The following KLHL29 variants were observed in gnomAD, a reference collection of about 807,000 sequenced individuals.
The protein encoded by KLHL29 is kelch like family member 29.
In KLHL29, 21 loss-of-function variants were observed where a neutral mutation model predicts 80.4. The observed-to-expected ratio is 0.26, with a 90% CI of 0.19 to 0.38. The LOEUF (loss-of-function observed/expected upper bound fraction) is 0.38. Ranked by LOEUF, KLHL29 falls within the 10% of genes least tolerant of loss-of-function variation. The pLI is 1.00. For missense variants in KLHL29, 867 were observed against 1,223.9 expected (o/e 0.71, Z 4.35); for synonymous variants, 511 against 526.8 (o/e 0.97, Z 0.41).
intron 3 of KLHL29, among the ~76,000 whole-genome samples, chr2:23,602,291 C>A (rs1365371036): frequency 2.0e-5 from 3 of 152,244 alleles, no homozygotes; most frequent in Non-Finnish European, 4.4e-5. Context: ...CCCCCTGCCC[C>A]AGGGCCTGCC....
Position 23,696,485 on chromosome 2 carries a change from G to C in KLHL29, c.2077G>C (p.Val693Leu), listed in dbSNP as rs766588892. ...GKIYTLGGLGVAGNVDHVERY... is the reference protein window; with the variant it reads ...GKIYTLGGLGLAGNVDHVERY... ...GATTTACACCCTCGGGGGACTTGGCGTGGCAGGCAACGTGGACCACGTGGA... is the reference window on the plus strand; with the variant it reads ...GATTTACACCCTCGGGGGACTTGGCCTGGCAGGCAACGTGGACCACGTGGA... Residue 693 changes from valine to leucine, a missense_variant, in exon 11 of 14, where the codon GTG (valine) becomes CTG (leucine). Transcript: ENST00000486442. The surrounding 1 kb of genome is among the most constrained non-coding windows in gnomAD (Gnocchi z 5.5). The C allele has an allele frequency of 1.3e-6, 2 of 1,541,086 alleles. No individual in the cohort carries two copies. Among genetic ancestry groups the C allele is most frequent in the Non-Finnish European group, 1.8e-6 (2 of 1,142,168 alleles).
At chr2:23,463,506 A>G in intron 1 of KLHL29, among the ~76,000 whole-genome samples, 1 of 152,190 alleles carries the variant, frequency 6.6e-6, no homozygotes, top group East Asian at 1.9e-4. Context: ...CAAAATTCTC[A>G]TTTAAAACCC....
intron 6 of KLHL29, among the ~76,000 whole-genome samples, chr2:23,686,212 T>C (rs1422324836): frequency 2.6e-5 from 4 of 151,626 alleles, no homozygotes; most frequent in African/African-American, 4.9e-5. Flanking sequence ...GACCCCATGC[T>C]AGGACCTGGG....
At position 23,596,456 on chromosome 2, in the gene KLHL29, A is replaced by G. The variant is rs1668396123; in HGVS notation, c.285+33975A>G. ...CGTTTCATAAGCGCACTCACGTTGG[A>G]GCAGAACAGAGTCACTAGGAGGCTC... On this transcript the variant is annotated intron_variant, in intron 3 of 13. Coordinates refer to ENST00000486442, the MANE Select transcript of KLHL29 (RefSeq NM_052920.2). This position sits in a 1 kb window ranked among gnomAD's most constrained non-coding sequence, Gnocchi z 4.4. Among the ~76,000 whole-genome samples, 1 of 152,124 alleles carries G rather than the reference A, an allele frequency of 6.6e-6. No homozygotes were observed. Among genetic ancestry groups the G allele is most frequent in the Non-Finnish European group, 1.5e-5 (1 of 68,028 alleles).
intron 3 of KLHL29, among the ~76,000 whole-genome samples, chr2:23,584,784 C>T (rs148871449): frequency 3.5e-4 from 54 of 152,198 alleles, no homozygotes; most frequent in African/African-American, 1.3e-3. Context: ...TTGCCCAGGC[C>T]GGAGTGCAAT....
chr2:23,487,943 T>C (rs1223784479), intron 2 of KLHL29, among the ~76,000 whole-genome samples: 1 of 152,160 alleles, frequency 6.6e-6, no homozygotes, highest in African/African-American at 2.4e-5. Context: ...GCATGCTCAT[T>C]CCTCAATAAC....
intron 2 of KLHL29, among the ~76,000 whole-genome samples, chr2:23,511,728 G>A (rs6728028): frequency 0.063 from 9,553 of 152,156 alleles, 914 homozygotes; most frequent in African/African-American, 0.21. Context: ...CTGACACATC[G>A]TCACTTAACA....
intron 3 of KLHL29, among the ~76,000 whole-genome samples, chr2:23,635,945 G>A (rs921540248): frequency 5.3e-5 from 8 of 152,220 alleles, no homozygotes; most frequent in Admixed American, 2.0e-4. Flanking sequence ...GTTGGTTTTC[G>A]TGGCATTCTT....
Position 23,684,321 on chromosome 2 carries a change from G to C in KLHL29, c.941-78G>C, listed in dbSNP as rs1280607597. 36 of 1,130,194 alleles carry C rather than the reference G, an allele frequency of 3.2e-5. No homozygotes were observed. The East Asian group carries it at 1.0e-3, about 33-fold the overall frequency. 70.0% of individuals were successfully genotyped at this position (1,130,194 alleles called of 1,614,324 possible). On this transcript the variant is annotated intron_variant, in intron 5 of 13. Coordinates refer to ENST00000486442, the MANE Select transcript of KLHL29 (RefSeq NM_052920.2). The surrounding 1 kb of genome is among the most constrained non-coding windows in gnomAD (Gnocchi z 4.4). Reference sequence around the variant, plus strand: ...CCTATTTCTCTACTTCTTGAAAAAAGAAAAAAAACTTTTTTTAATTAAAAA... The same window carrying C: ...CCTATTTCTCTACTTCTTGAAAAAACAAAAAAAACTTTTTTTAATTAAAAA...
intron 3 of KLHL29, among the ~76,000 whole-genome samples, chr2:23,571,989 G>A (rs1234735033): frequency 1.3e-5 from 2 of 152,204 alleles, no homozygotes; most frequent in Non-Finnish European, 2.9e-5. Flanking sequence ...ACCTTCGTGA[G>A]TACCCTGTCC....
At chr2:23,627,789 A>G (rs1669355848) in intron 3 of KLHL29, among the ~76,000 whole-genome samples, 1 of 151,942 alleles carries the variant, frequency 6.6e-6, no homozygotes, top group African/African-American at 2.4e-5. Context: ...CAGTGTCGTG[A>G]GTCACACAGC....
intron 2 of KLHL29, among the ~76,000 whole-genome samples, chr2:23,528,133 C>A (rs1437589632): frequency 6.6e-6 from 1 of 152,140 alleles, no homozygotes; most frequent in Admixed American, 6.5e-5. Context: ...AAATGTTGTT[C>A]TTTGCTTTTT....
intron 11 of KLHL29, among the ~76,000 whole-genome samples, chr2:23,698,889 A>G (rs577285034): frequency 6.6e-6 from 1 of 152,362 alleles, no homozygotes; most frequent in Admixed American, 6.5e-5. Flanking sequence ...GCGATGTGCC[A>G]TCATACTGAA....
intron 6 of KLHL29, among the ~76,000 whole-genome samples, chr2:23,685,846 T>A (rs746435972): frequency 3.9e-5 from 6 of 152,182 alleles, no homozygotes; most frequent in Non-Finnish European, 7.4e-5. Flanking sequence ...GGGGCCCGCA[T>A]CGGGCTGCCG....
intron 2 of KLHL29, among the ~76,000 whole-genome samples, chr2:23,498,790 C>T (rs1423099710): frequency 1.3e-5 from 2 of 152,212 alleles, no homozygotes; most frequent in Admixed American, 6.5e-5. Context: ...GTCACATTGA[C>T]GAGTAGCTAC....
At chr2:23,554,665 G>A (rs949884862) in intron 2 of KLHL29, among the ~76,000 whole-genome samples, 4 of 152,186 alleles carry the variant, frequency 2.6e-5, no homozygotes, top group African/African-American at 7.2e-5. Flanking sequence ...GAGCTCAGGT[G>A]CACGAAGCAT....
At chr2:23,435,897 CTCTT>C (rs1267528458) in intron 1 of KLHL29, among the ~76,000 whole-genome samples, 1 of 146,988 alleles carries the variant, frequency 6.8e-6, no homozygotes, top group Non-Finnish European at 1.5e-5. Context: ...CTCTCTCTCT[CTCTT>C]TTTTTTTTTT....
intron 2 of KLHL29, chr2:23,507,380 T>G (rs1001443866): frequency 6.1e-6 from 1 of 164,632 alleles, no homozygotes; most frequent in African/African-American, 2.4e-5. Flanking sequence ...ATTTCTTATC[T>G]CCGCCTCAAA....
At chr2:23,703,955 T>C (rs1672556055) in intron 13 of KLHL29, 92 bp downstream of exon 13, 7 of 1,372,408 alleles carry the variant, frequency 5.1e-6, no homozygotes, top group East Asian at 5.1e-5. Context: ...TCAGTGACCA[T>C]AGCAATTCCC....
Sources: gnomAD v4.1 joint callset for allele counts (sites outside exome capture counted in the v4.1 genomes callset) on GRCh38, gnomAD v4.1.1 for gene constraint, Gnocchi (gnomAD v3.1) non-coding constraint, MANE v1.5 for transcripts, NCBI Gene and HGNC (gene_info 2026-07-23, HGNC 2026-07-21) for gene names.